ELAVL2: variants seen among roughly 807,000 people sequenced by gnomAD.
The protein encoded by ELAVL2 is ELAV-like protein 2.
A neutral mutation model predicts 34.6 loss-of-function variants in ELAVL2; 4 were observed. The ratio of observed to expected loss-of-function variants is 0.12; its 90% CI spans 0.06 to 0.26. The LOEUF is 0.26. Among genes scored for constraint, ELAVL2 ranks in the 10% least tolerant of loss-of-function variants. The pLI is 1.00. For synonymous variants in ELAVL2, 193 were observed against 154.8 expected (o/e 1.25, Z -1.83); for missense variants, 432 against 442.8 (o/e 0.98, Z 0.22).
intron 1 of ELAVL2, among the ~76,000 whole-genome samples, chr9:23,786,968 A>C (rs1328535248): frequency 2.6e-5 from 4 of 152,320 alleles, no homozygotes; most frequent in Non-Finnish European, 5.9e-5. Context: ...GATAAAAGGT[A>C]CACTTTTATT....
At chr9:23,786,057 G>C (rs1020592472) in intron 1 of ELAVL2, among the ~76,000 whole-genome samples, 3 of 152,140 alleles carry the variant, frequency 2.0e-5, no homozygotes, top group Non-Finnish European at 4.4e-5. Context: ...CTGAACTTGA[G>C]AGACTTCTAA....
At chr9:23,742,989 A>G (rs1379683351) in intron 2 of ELAVL2, among the ~76,000 whole-genome samples, 4 of 152,134 alleles carry the variant, frequency 2.6e-5, no homozygotes, top group Non-Finnish European at 4.4e-5. Context: ...ACCTATTTAA[A>G]TACTACAGAC....
At chr9:23,821,905 C>G (rs1028437979) in intron 1 of ELAVL2, 2 of 151,180 alleles carry the variant, frequency 1.3e-5, no homozygotes, top group Admixed American at 6.6e-5. Context: ...GGGCCGGCGG[C>G]GAGTTCGCGG....
At chr9:23,847,660 A>G in the ELAVL2 span, among the ~76,000 whole-genome samples, 1 of 152,132 alleles carries the variant, frequency 6.6e-6, no homozygotes, top group Admixed American at 6.6e-5. Flanking sequence ...TATTTTGTAG[A>G]AAAAAATTGG....
chr9:23,822,540 A>G (rs889989950), intron 1 of ELAVL2, among the ~76,000 whole-genome samples: 14 of 152,098 alleles, frequency 9.2e-5, no homozygotes, highest in Admixed American at 8.5e-4. Context: ...CCCTTCGCCA[A>G]GCTCAATCCC....
At chr9:23,768,525 T>G (rs2136223564) in intron 1 of ELAVL2, among the ~76,000 whole-genome samples, 1 of 152,202 alleles carries the variant, frequency 6.6e-6, no homozygotes, top group East Asian at 1.9e-4. Context: ...CTCTAACTTG[T>G]TTTTCTATCC....
At chr9:23,781,771 G>A (rs2059099181) in intron 1 of ELAVL2, among the ~76,000 whole-genome samples, 1 of 151,818 alleles carries the variant, frequency 6.6e-6, no homozygotes, top group East Asian at 1.9e-4. Flanking sequence ...TCTGCTCACC[G>A]CAAACTCTGC....
intron 1 of ELAVL2, among the ~76,000 whole-genome samples, chr9:23,818,242 G>A (rs560893857): frequency 6.6e-6 from 1 of 152,278 alleles, no homozygotes; most frequent in African/African-American, 2.4e-5. Flanking sequence ...CCTTCAAACA[G>A]TTCTATAATA....
chr9:23,734,865 A>C (rs895259556), intron 2 of ELAVL2, among the ~76,000 whole-genome samples: 3 of 151,906 alleles, frequency 2.0e-5, no homozygotes, highest in Non-Finnish European at 4.4e-5. Context: ...TCTTATATTC[A>C]TCAGTAAGTC....
intron 1 of ELAVL2, among the ~76,000 whole-genome samples, chr9:23,790,285 G>T (rs1262678420): frequency 1.3e-5 from 2 of 152,074 alleles, no homozygotes; most frequent in African/African-American, 2.4e-5. Flanking sequence ...AAAATATATG[G>T]AAATGCCTGG....
At chr9:23,802,981 GTCC>G (rs1445277028) in intron 1 of ELAVL2, among the ~76,000 whole-genome samples, 1 of 152,016 alleles carries the variant, frequency 6.6e-6, no homozygotes, top group Non-Finnish European at 1.5e-5. Flanking sequence ...AGGTCCTGGG[GTCC>G]TCAATAATTT....
chr9:23,694,276 T>C (rs1038223626), intron 5 of ELAVL2, among the ~76,000 whole-genome samples: 3 of 150,612 alleles, frequency 2.0e-5, no homozygotes, highest in Non-Finnish European at 4.4e-5. Flanking sequence ...AAAATGTTTA[T>C]AGAAAGTAAA....
chr9:23,789,878 T>G (rs16907738), intron 1 of ELAVL2, among the ~76,000 whole-genome samples: 19,504 of 152,180 alleles, frequency 0.13, 1,665 homozygotes, highest in East Asian at 0.28. Flanking sequence ...TTGAAGTTTT[T>G]AAGTGTTCTA....
intron 1 of ELAVL2, among the ~76,000 whole-genome samples, chr9:23,794,158 T>C (rs770832030): frequency 5.3e-5 from 8 of 152,206 alleles, no homozygotes; most frequent in Non-Finnish European, 7.3e-5. Context: ...ACCAACAGCA[T>C]TCAAGCTGCT....
chr9:23,842,940 T>C, the ELAVL2 span, among the ~76,000 whole-genome samples: 1 of 152,152 alleles, frequency 6.6e-6, no homozygotes, highest in African/African-American at 2.4e-5. Flanking sequence ...CTTGCCATTT[T>C]TTCCTGCTTC....
chr9:23,780,206 A>G, intron 1 of ELAVL2, among the ~76,000 whole-genome samples: 1 of 151,996 alleles, frequency 6.6e-6, no homozygotes, highest in Non-Finnish European at 1.5e-5. Context: ...GTTGGTATTA[A>G]TAGTAAATTA....
At chr9:23,700,624 AG>A (rs374664676) in intron 5 of ELAVL2, among the ~76,000 whole-genome samples, 27 of 152,292 alleles carry the variant, frequency 1.8e-4, no homozygotes, top group African/African-American at 6.3e-4. Flanking sequence ...CATTTTTAAC[AG>A]GTTGTTTAAA....
At chr9:23,772,634 A>AG (rs1311131706) in intron 1 of ELAVL2, among the ~76,000 whole-genome samples, 2 of 151,714 alleles carry the variant, frequency 1.3e-5, no homozygotes, top group African/African-American at 4.8e-5. Flanking sequence ...ATGCCATCCC[A>AG]GGGCACATAA....
intron 1 of ELAVL2, among the ~76,000 whole-genome samples, chr9:23,809,999 G>C (rs2062765887): frequency 1.3e-5 from 2 of 152,020 alleles, no homozygotes; most frequent in Non-Finnish European, 2.9e-5. Flanking sequence ...ACAAAAAGTA[G>C]TATTTCTAAA....
Sources: allele counts gnomAD v4.1 joint callset (sites outside exome capture counted in the v4.1 genomes callset), GRCh38; gene constraint gnomAD v4.1.1; transcripts MANE v1.5; gene names NCBI Gene and HGNC (gene_info 2026-07-23, HGNC 2026-07-21).